The following WDPCP variants were observed in gnomAD, a reference collection of about 807,000 sequenced individuals.
The protein encoded by WDPCP is WD repeat containing planar cell polarity effector.
Under a neutral mutation model 93.1 loss-of-function variants are expected in WDPCP, and 71 were observed. The observed-to-expected ratio is 0.76, with a 90% CI of 0.63 to 0.93. WDPCP has a LOEUF of 0.93. Ranked by LOEUF, WDPCP falls within the 40% of genes least tolerant of loss-of-function variation. The pLI, the probability that WDPCP is intolerant of heterozygous loss-of-function variation, is 0.00. For missense variants in WDPCP, 844 were observed against 887.4 expected, an observed-to-expected ratio of 0.95 and a Z score of 0.62; for synonymous variants, 315 against 315.0, an observed-to-expected ratio of 1.00 and a Z score of 0.00.
intron 17 of WDPCP, among the ~76,000 whole-genome samples, chr2:63,152,658 C>T (rs750240387): frequency 4.6e-5 from 7 of 152,150 alleles, no homozygotes; most frequent in Non-Finnish European, 1.0e-4. Context: ...TGTGTAATTT[C>T]ATTTGTACCT....
At chr2:63,392,566 CA>C (rs1693355697) in intron 10 of WDPCP, among the ~76,000 whole-genome samples, 1 of 152,102 alleles carries the variant, frequency 6.6e-6, no homozygotes, top group Admixed American at 6.5e-5. Context: ...AGCTTCTGCA[CA>C]GCAAAAGAAA....
intron 14 of WDPCP, among the ~76,000 whole-genome samples, chr2:63,241,545 G>A (rs924243474): frequency 1.3e-5 from 2 of 152,106 alleles, no homozygotes; most frequent in African/African-American, 4.8e-5. Context: ...CTTCATCCAT[G>A]TATCACCTCT....
intron 2 of WDPCP, among the ~76,000 whole-genome samples, chr2:63,674,131 C>T (rs1166579683): frequency 6.6e-6 from 1 of 152,194 alleles, no homozygotes; most frequent in African/African-American, 2.4e-5. Flanking sequence ...CCACATTGGT[C>T]TGGGGAAAAC....
chr2:63,195,047 A>G (rs1447376239), intron 14 of WDPCP, among the ~76,000 whole-genome samples: 1 of 152,160 alleles, frequency 6.6e-6, no homozygotes, highest in Non-Finnish European at 1.5e-5. Flanking sequence ...TAGGGCTAGG[A>G]AATATATAAA....
At chr2:63,764,113 A>G (rs988299175) in intron 2 of WDPCP, among the ~76,000 whole-genome samples, 4 of 152,198 alleles carry the variant, frequency 2.6e-5, no homozygotes, top group African/African-American at 7.2e-5. Context: ...CATTCACAAT[A>G]TTATACAACT....
chr2:63,414,309 C>T lies in WDPCP; in HGVS notation c.826-9652G>A, dbSNP rs533268999. On this transcript the variant is annotated intron_variant, in intron 9 of 17. Coordinates refer to ENST00000272321, the MANE Select transcript of WDPCP (RefSeq NM_015910.7). ...CTAAAAGTAGAACTACCATTTGATCCGGCAATCCCACTACTGGGTATCTAC... is the reference window on the plus strand; with the variant it reads ...CTAAAAGTAGAACTACCATTTGATCTGGCAATCCCACTACTGGGTATCTAC... Among the ~76,000 whole-genome samples, 112 of 152,166 alleles carry T rather than the reference C, an allele frequency of 7.4e-4. 1 individual carries two copies. In the South Asian group the frequency reaches 0.022, roughly 30 times the overall value.
At chr2:63,314,025 C>T (rs896710741) in intron 12 of WDPCP, among the ~76,000 whole-genome samples, 66 of 149,894 alleles carry the variant, frequency 4.4e-4, no homozygotes, top group African/African-American at 7.9e-4. Context: ...GGAGTAGGCG[C>T]GCACCACCAT....
chr2:63,152,849 T>A lies in WDPCP; in HGVS notation c.2190+65A>T, dbSNP rs964338136. ...ATAGCATTTCTTGAGTTCAAAATAA[T>A]CACATACATTATGCTTTTCTCTTAG... is the stretch of plus-strand genomic sequence containing the variant. On this transcript the variant is annotated intron_variant, in intron 17 of 17. Coordinates refer to ENST00000272321, the MANE Select transcript of WDPCP (RefSeq NM_015910.7). 2.7e-6 allele frequency: 4 copies of A among 1,477,062 alleles called. 1 individual carries two copies. In the South Asian group the frequency reaches 4.6e-5, roughly 17 times the overall value. The allele number at this position is 1,477,062 out of a possible 1,614,324, so 91.5% of individuals were successfully genotyped here. A position where few individuals can be genotyped will look rare whatever the true frequency, so the allele number is the denominator to read the frequency against.
intron 1 of WDPCP, among the ~76,000 whole-genome samples, chr2:63,525,559 C>T (rs909696886): frequency 6.6e-6 from 1 of 152,050 alleles, no homozygotes; most frequent in Admixed American, 6.6e-5. Context: ...CATCCAAATC[C>T]ATTGTCTGCT....
chr2:63,153,588 G>T lies in WDPCP; in HGVS notation c.2079-14C>A. 1 of 1,598,936 alleles carries T rather than the reference G, an allele frequency of 6.3e-7. No homozygotes were observed. The highest frequency in any genetic ancestry group is 8.5e-7 in the Non-Finnish European group (1 of 1,170,534). ...TCAATTATTTGTCTGCAGTATATGG[G>T]TGTTTTTAATTGGAAAAAGGATTAA... is the stretch of plus-strand genomic sequence containing the variant. On this transcript the variant is annotated splice_polypyrimidine_tract_variant and intron_variant, in intron 15 of 17. Transcript: ENST00000272321.
chr2:63,570,863 C>A (rs1423833222), intron 1 of WDPCP, among the ~76,000 whole-genome samples: 1 of 152,048 alleles, frequency 6.6e-6, no homozygotes, highest in Admixed American at 6.6e-5. Flanking sequence ...GTGTTCAAAT[C>A]CTTGCTCTGC....
intron 2 of WDPCP, among the ~76,000 whole-genome samples, chr2:63,652,805 C>T (rs1365546664): frequency 1.3e-5 from 2 of 152,066 alleles, no homozygotes; most frequent in Non-Finnish European, 2.9e-5. Context: ...TGATCTTTAT[C>T]CTATTTGTTC....
chr2:63,651,675 C>T (rs1484815886), intron 2 of WDPCP, among the ~76,000 whole-genome samples: 1 of 152,044 alleles, frequency 6.6e-6, no homozygotes, highest in Non-Finnish European at 1.5e-5. Flanking sequence ...TGAGGTCTAC[C>T]GGCCTTACTG....
chr2:63,625,476 A>C (rs530915218), intron 3 of WDPCP, among the ~76,000 whole-genome samples: 27 of 152,262 alleles, frequency 1.8e-4, no homozygotes, highest in Non-Finnish European at 3.7e-4. Context: ...CAACTTCAGC[A>C]AACTATCAGG....
rs769974025 is a variant in WDPCP, at chr2:63,378,415, A to G, written c.1719T>C (p.Tyr573=). 2.5e-6 allele frequency: 4 copies of G among 1,613,086 alleles called. No individual in the cohort carries two copies. The highest frequency in any genetic ancestry group is 3.4e-6 in the Non-Finnish European group (4 of 1,179,428). ...ILEYRDQISK[Y]ARRFFHHLLR... Reference sequence around the variant, plus strand: ...GCAAGTGATGGAAGAATCTCCTTGCATATTTGCTGATTTGATCTCTATATT... The same window carrying G: ...GCAAGTGATGGAAGAATCTCCTTGCGTATTTGCTGATTTGATCTCTATATT... Residue 573 remains tyrosine, a synonymous_variant, in exon 12 of 18, where the codon TAT becomes TAC. Coordinates refer to ENST00000272321, the MANE Select transcript of WDPCP (RefSeq NM_015910.7).
At chr2:63,255,422 T>C (rs766704221) in intron 14 of WDPCP, among the ~76,000 whole-genome samples, 4 of 152,188 alleles carry the variant, frequency 2.6e-5, no homozygotes, top group Non-Finnish European at 4.4e-5. Context: ...TAGGGCCTCA[T>C]GGGAGGTGTT....
At chr2:63,459,146 ATTGGT>A (rs1698834564) in intron 6 of WDPCP, among the ~76,000 whole-genome samples, 2 of 152,206 alleles carry the variant, frequency 1.3e-5, no homozygotes, top group Admixed American at 1.3e-4. Context: ...TCTTCAGGAC[ATTGGT>A]TTAGGCAAAG....
At chr2:63,539,271 C>T (rs1163712993) in intron 1 of WDPCP, among the ~76,000 whole-genome samples, 1 of 152,126 alleles carries the variant, frequency 6.6e-6, no homozygotes, top group African/African-American at 2.4e-5. Flanking sequence ...ATAGCTAAAG[C>T]CCCTTTTTCA....
chr2:63,437,918 T>G, intron 7 of WDPCP: 1 of 1,575,544 alleles, frequency 6.3e-7, no homozygotes. Context: ...TAATCCTATG[T>G]TTACATGATA....
Sources: allele counts gnomAD v4.1 joint callset (sites outside exome capture counted in the v4.1 genomes callset), GRCh38; gene constraint gnomAD v4.1.1; transcripts MANE v1.5; gene names NCBI Gene and HGNC (gene_info 2026-07-23, HGNC 2026-07-21).